The following CLEC3B variants were observed in gnomAD, a reference collection of about 807,000 sequenced individuals.
CLEC3B encodes the protein C-type lectin domain family 3 member B, also known as tetranectin.
A neutral mutation model predicts 15.4 loss-of-function variants in CLEC3B; 13 were observed. That is an observed-to-expected ratio of 0.84 (90% CI 0.55 to 1.34). CLEC3B has a LOEUF of 1.34. Among genes scored for constraint, CLEC3B ranks in the 40% most tolerant of loss-of-function variants. The pLI, the probability that CLEC3B is intolerant of heterozygous loss-of-function variation, is 0.00. For missense variants in CLEC3B, 242 were observed against 268.6 expected, an observed-to-expected ratio of 0.90 and a Z score of 0.69; for synonymous variants, 112 against 114.7, an observed-to-expected ratio of 0.98 and a Z score of 0.15.
chr3:45,033,291 G>A (rs1697590365), intron 2 of CLEC3B, among the ~76,000 whole-genome samples: 1 of 152,128 alleles, frequency 6.6e-6, no homozygotes, highest in South Asian at 2.1e-4. Context: ...CATGACATAT[G>A]GAGGCCCAAA....
intron 2 of CLEC3B, among the ~76,000 whole-genome samples, chr3:45,032,308 C>A (rs1216576822): frequency 2.0e-5 from 3 of 152,198 alleles, no homozygotes; most frequent in African/African-American, 7.2e-5. Context: ...CATCCTTCTG[C>A]ACTCCCACCA....
At chr3:45,027,887 C>T (rs1697504569) in intron 1 of CLEC3B, among the ~76,000 whole-genome samples, 1 of 152,084 alleles carries the variant, frequency 6.6e-6, no homozygotes, top group Non-Finnish European at 1.5e-5. Context: ...CTCAAGTTTA[C>T]CAAAGATTCA....
At position 45,029,768 on chromosome 3, in the gene CLEC3B, C is replaced by T. The variant is rs143134410; in HGVS notation, c.110-1059C>T. ...CTGGTGTTTCAGAAAGACCAGGGTC[C>T]GCCCCAGGAGCTCTAAACTTACACA... is the stretch of plus-strand genomic sequence containing the variant. On this transcript the variant is annotated intron_variant, in intron 1 of 2. Coordinates refer to ENST00000296130, the MANE Select transcript of CLEC3B (RefSeq NM_003278.3). Among the ~76,000 whole-genome samples the T allele has an allele frequency of 3.2e-4, 48 of 152,308 alleles. 1 individual carries two copies. In the East Asian group the frequency reaches 8.5e-3, roughly 27 times the overall value.
At position 45,035,527 on chromosome 3, in the gene CLEC3B, G is replaced by T; in HGVS notation, c.212G>T (p.Cys71Phe). ...LKEQQALQTV[C>F]LKGTKVHMKC... ...AGCCATTTCTCCCCACTCCCAGTCT[G>T]CCTGAAGGGGACCAAGGTGCACATG... The change falls in exon 3 of 3, where the codon TGC becomes TTC. Residue 71 changes from cysteine (C) to phenylalanine (F), a missense_variant. Transcript: ENST00000296130. 6.3e-7 allele frequency: 1 copy of T among 1,597,130 alleles called. No homozygotes were observed. Among genetic ancestry groups the T allele is most frequent in the Non-Finnish European group, 8.6e-7 (1 of 1,169,152 alleles).
intron 1 of CLEC3B, 140 bp downstream of exon 1, chr3:45,026,611 G>A: frequency 1.4e-6 from 1 of 719,344 alleles, no homozygotes; most frequent in Non-Finnish European, 2.4e-6. Context: ...TTGGGGCTTG[G>A]GGGAGTTCTC....
chr3:45,034,167 G>T (rs1393942757), intron 2 of CLEC3B, among the ~76,000 whole-genome samples: 1 of 152,228 alleles, frequency 6.6e-6, no homozygotes, highest in Admixed American at 6.5e-5. Flanking sequence ...ATTCCTGGCA[G>T]CCAGGGCAGT....
intron 1 of CLEC3B, 27 bp downstream of exon 1, chr3:45,026,498 C>G: frequency 6.3e-7 from 1 of 1,594,052 alleles, no homozygotes; most frequent in Non-Finnish European, 8.6e-7. Flanking sequence ...AGCCCTGTGC[C>G]ATCTTCCAGG....
At chr3:45,034,065 C>T (rs755101282) in intron 2 of CLEC3B, among the ~76,000 whole-genome samples, 3 of 152,160 alleles carry the variant, frequency 2.0e-5, no homozygotes, top group African/African-American at 7.2e-5. Context: ...GTAGGCTGCT[C>T]TAGGGAGGGG....
chr3:45,030,981 C>A, intron 2 of CLEC3B, 56 bp downstream of exon 2: 1 of 1,226,964 alleles, frequency 8.2e-7, no homozygotes, highest in Non-Finnish European at 1.2e-6. Context: ...GGGCCCAGGC[C>A]AGCAGCCAGC....
At chr3:45,031,856 C>T (rs949237042) in intron 2 of CLEC3B, among the ~76,000 whole-genome samples, 2 of 72,850 alleles carry the variant, frequency 2.7e-5, no homozygotes, top group African/African-American at 1.2e-4. Flanking sequence ...CATTCTGGCA[C>T]TGTTCTTGAT....
At chr3:45,027,959 G>C (rs756752729) in intron 1 of CLEC3B, among the ~76,000 whole-genome samples, 3 of 151,988 alleles carry the variant, frequency 2.0e-5, no homozygotes, top group African/African-American at 7.2e-5. Flanking sequence ...GTCAGAGCAC[G>C]TGATGCCTTG....
chr3:45,035,661 G>GCC lies in CLEC3B; in HGVS notation c.348_349dup (p.Leu117ProfsTer32), dbSNP rs1457059158. 6.2e-7 allele frequency: 1 copy of GCC among 1,613,422 alleles called. No individual in the cohort carries two copies. Among genetic ancestry groups the GCC allele is most frequent in the African/African-American group, 1.3e-5 (1 of 74,940 alleles). ...CCCTCAGACTGGCTCGGAGAACGAC[G>GCC]CCCTGTATGAGTACCTGCGCCAGAG... On this transcript the variant is annotated frameshift_variant, in exon 3 of 3. Coordinates refer to ENST00000296130, the MANE Select transcript of CLEC3B (RefSeq NM_003278.3). LOFTEE classifies it high-confidence loss of function.
chr3:45,032,995 A>G (rs1045749093), intron 2 of CLEC3B, among the ~76,000 whole-genome samples: 1 of 152,212 alleles, frequency 6.6e-6, no homozygotes, highest in Non-Finnish European at 1.5e-5. Context: ...GGCCACCTGC[A>G]GCTTTAAGAA....
intron 1 of CLEC3B, 43 bp downstream of exon 1, chr3:45,026,514 G>A: frequency 6.5e-7 from 1 of 1,541,026 alleles, no homozygotes; most frequent in South Asian, 1.1e-5. Flanking sequence ...CCAGGGAGCA[G>A]GTCCCCCTCT....
intron 1 of CLEC3B, among the ~76,000 whole-genome samples, chr3:45,028,430 C>T (rs1287284707): frequency 9.2e-5 from 14 of 152,142 alleles, no homozygotes; most frequent in Non-Finnish European, 1.8e-4. Flanking sequence ...ATGGTGTACA[C>T]GTGTAGTCCC....
In CLEC3B at chr3:45,034,608, GAAATC is replaced by G. The variant is rs1404429351; in HGVS notation, c.209-913_209-909del. The stretch of plus-strand genomic sequence containing the variant: ...AGAGTATGTCTAGATATTTCAGCTA[GAAATC>G]AAGCTGAAAATGCAAACTGCAAAAC... On this transcript the variant is annotated intron_variant, in intron 2 of 2. Coordinates refer to ENST00000296130, the MANE Select transcript of CLEC3B (RefSeq NM_003278.3). 3 of 152,320 alleles carry G rather than the reference GAAATC, an allele frequency of 2.0e-5. No individual in the cohort carries two copies. In the East Asian group the frequency reaches 5.8e-4, roughly 29 times the overall value. The allele number at this position is 152,320 out of a possible 1,614,324, so 9.4% of individuals were successfully genotyped here.
intron 1 of CLEC3B, among the ~76,000 whole-genome samples, chr3:45,028,025 G>C (rs1254431508): frequency 6.6e-6 from 1 of 151,922 alleles, no homozygotes; most frequent in South Asian, 2.1e-4. Context: ...CATAGAAGGG[G>C]CCCCTGGAGT....
At chr3:45,032,623 G>T (rs1388631563) in intron 2 of CLEC3B, among the ~76,000 whole-genome samples, 1 of 152,166 alleles carries the variant, frequency 6.6e-6, no homozygotes, top group Non-Finnish European at 1.5e-5. Flanking sequence ...CATAGTGCCT[G>T]CCACATAGCA....
chr3:45,035,673 TAC>T lies in CLEC3B; in HGVS notation c.359_360del (p.Tyr120SerfsTer40). 1 of 1,613,626 alleles carries T rather than the reference TAC, an allele frequency of 6.2e-7. No homozygotes were observed. The highest frequency in any genetic ancestry group is 8.5e-7 in the Non-Finnish European group (1 of 1,179,998). On this transcript the variant is annotated frameshift_variant, in exon 3 of 3. Coordinates refer to ENST00000296130, the MANE Select transcript of CLEC3B (RefSeq NM_003278.3). LOFTEE classifies it high-confidence loss of function. ...CTCGGAGAACGACGCCCTGTATGAG[TAC>T]CTGCGCCAGAGCGTGGGCAACGAGG... is the stretch of plus-strand genomic sequence containing the variant. ...TGSENDALYE[Y>X]LRQSVGNEAE...
Sources: gnomAD v4.1 joint callset for allele counts (sites outside exome capture counted in the v4.1 genomes callset) on GRCh38, gnomAD v4.1.1 for gene constraint, MANE v1.5 for transcripts, NCBI Gene and HGNC (gene_info 2026-07-23, HGNC 2026-07-21) for gene names.